The following PRSS23 variants were observed in gnomAD, a reference collection of about 807,000 sequenced individuals.
The protein encoded by PRSS23 is serine protease 23.
In PRSS23, 25 loss-of-function variants were observed where a neutral mutation model predicts 34.7. The ratio of observed to expected loss-of-function variants is 0.72; its 90% CI spans 0.53 to 1.01. PRSS23 has a LOEUF of 1.01. Among genes scored for constraint, PRSS23 ranks in the 50% least tolerant of loss-of-function variants. The probability of loss-of-function intolerance (pLI) is 0.00; values close to 1 mark genes in which losing one functional copy is unlikely to be tolerated. For missense variants in PRSS23, 445 were observed against 475.6 expected (o/e 0.94, Z 0.60); for synonymous variants, 176 against 186.6 (o/e 0.94, Z 0.46).
At chr11:86,903,197 T>A (rs2134985817) in intron 2 of PRSS23, among the ~76,000 whole-genome samples, 1 of 152,308 alleles carries the variant, frequency 6.6e-6, no homozygotes. Flanking sequence ...TCTTACCTAC[T>A]ACATGGATTA....
chr11:86,904,960 A>C (rs1948932892), intron 2 of PRSS23, among the ~76,000 whole-genome samples: 1 of 151,986 alleles, frequency 6.6e-6, no homozygotes, highest in African/African-American at 2.4e-5. Flanking sequence ...GGAGGCTGAG[A>C]TGGGAAGATC....
At chr11:86,803,568 T>C (rs1469385284) in intron 1 of PRSS23, among the ~76,000 whole-genome samples, 1 of 152,170 alleles carries the variant, frequency 6.6e-6, no homozygotes, top group Non-Finnish European at 1.5e-5. Context: ...CAGTTTTGCA[T>C]CATTTGTTGT....
At chr11:86,933,688 G>A (rs1949141628) in intron 2 of PRSS23, 1 of 152,204 alleles carries the variant, frequency 6.6e-6, no homozygotes, top group Admixed American at 6.5e-5. Context: ...GGCTCAGTGA[G>A]GCTGAGAAAC....
At chr11:86,927,194 G>C (rs1188096561) in intron 2 of PRSS23, among the ~76,000 whole-genome samples, 2 of 152,138 alleles carry the variant, frequency 1.3e-5, no homozygotes, top group African/African-American at 4.8e-5. Flanking sequence ...GTAGTCAGAG[G>C]GAAAGAATCA....
intron 1 of PRSS23, among the ~76,000 whole-genome samples, chr11:86,816,460 T>G (rs148587564): frequency 6.6e-6 from 1 of 152,186 alleles, no homozygotes; most frequent in Admixed American, 6.5e-5. Flanking sequence ...ACTTTGTAAA[T>G]TGAATGAGTT....
chr11:86,806,101 G>A (rs1217661684), intron 1 of PRSS23, among the ~76,000 whole-genome samples: 1 of 152,114 alleles, frequency 6.6e-6, no homozygotes, highest in African/African-American at 2.4e-5. Flanking sequence ...GATTGATCTG[G>A]GCATTTAAAC....
At chr11:86,793,629 G>T (rs1291180139) in intron 1 of PRSS23, among the ~76,000 whole-genome samples, 2 of 152,204 alleles carry the variant, frequency 1.3e-5, no homozygotes, top group Non-Finnish European at 2.9e-5. Flanking sequence ...GAGAGCCCCA[G>T]TGGTAAAATT....
At chr11:86,848,312 T>C (rs1948502756) in intron 2 of PRSS23, among the ~76,000 whole-genome samples, 1 of 152,162 alleles carries the variant, frequency 6.6e-6, no homozygotes, top group Non-Finnish European at 1.5e-5. Flanking sequence ...TAGGGATCGA[T>C]AGTACCTTGG....
chr11:86,813,276 T>C (rs1948193001), downstream of PRSS23, among the ~76,000 whole-genome samples: 1 of 152,200 alleles, frequency 6.6e-6, no homozygotes, highest in African/African-American at 2.4e-5. Flanking sequence ...AAGAAACTCA[T>C]AGGCTTGCTA....
chr11:86,866,559 T>C (rs1948650824), intron 2 of PRSS23, among the ~76,000 whole-genome samples: 1 of 152,230 alleles, frequency 6.6e-6, no homozygotes. Flanking sequence ...ACACCTTTTA[T>C]ATATGCCAGG....
At chr11:86,833,040 C>T (rs1948372768) in intron 2 of PRSS23, 1 of 465,254 alleles carries the variant, frequency 2.1e-6, no homozygotes, top group Admixed American at 3.3e-5. Context: ...GCCACAGAAA[C>T]ATGGGTTCAT....
chr11:86,909,724 C>T (rs1482120456), intron 2 of PRSS23: 13 of 152,228 alleles, frequency 8.5e-5, no homozygotes, highest in Non-Finnish European at 2.9e-5. Flanking sequence ...GATCCTTTGT[C>T]ATTAATGTAC....
intron 2 of PRSS23, chr11:86,946,488 C>G (rs1458431496): frequency 1.3e-5 from 2 of 152,224 alleles, no homozygotes; most frequent in Non-Finnish European, 2.9e-5. Flanking sequence ...ATGCTACTAT[C>G]AGGGCAACTG....
chr11:86,816,990 C>A (rs1892893), intron 1 of PRSS23, among the ~76,000 whole-genome samples: 20,633 of 152,116 alleles, frequency 0.14, 1,838 homozygotes, highest in East Asian at 0.41. Flanking sequence ...TTATAAGACC[C>A]ACTTTTGTGA....
At chr11:86,832,898 T>C (rs1445271216) in intron 2 of PRSS23, 3 of 337,026 alleles carry the variant, frequency 8.9e-6, no homozygotes, top group African/African-American at 2.2e-5. Context: ...ACACGCAAGG[T>C]GTGGGAGTTG....
At chr11:86,844,252 G>T (rs1394620042) in intron 2 of PRSS23, among the ~76,000 whole-genome samples, 2 of 152,100 alleles carry the variant, frequency 1.3e-5, no homozygotes, top group Non-Finnish European at 2.9e-5. Flanking sequence ...TCACACACCG[G>T]GGCCTGTCAG....
chr11:86,863,154 A>T (rs2511879), intron 2 of PRSS23, among the ~76,000 whole-genome samples: 33,461 of 152,036 alleles, frequency 0.22, 4,441 homozygotes, highest in African/African-American at 0.35. Context: ...GACTCCTAAT[A>T]TCACACTTGG....
At chr11:86,834,467 T>C (rs771005697) in intron 2 of PRSS23, among the ~76,000 whole-genome samples, 1 of 152,022 alleles carries the variant, frequency 6.6e-6, no homozygotes, top group Non-Finnish European at 1.5e-5. Flanking sequence ...TGCCTTGCGG[T>C]TCTTTTGGCT....
intron 2 of PRSS23, chr11:86,832,583 C>A (rs2134890885): frequency 4.1e-6 from 2 of 484,588 alleles, no homozygotes; most frequent in South Asian, 3.1e-5. Flanking sequence ...GTTTCTCAGT[C>A]TGTAGATGAA....
Sources: allele counts gnomAD v4.1 joint callset (sites outside exome capture counted in the v4.1 genomes callset), GRCh38; gene constraint gnomAD v4.1.1; transcripts MANE v1.5; gene names NCBI Gene and HGNC (gene_info 2026-07-23, HGNC 2026-07-21).